Variants in NCKAP5 observed in about 807,000 individuals in gnomAD.
NCKAP5 encodes the protein nck-associated protein 5.
Under a neutral mutation model 167.0 loss-of-function variants are expected in NCKAP5, and 92 were observed. The observed-to-expected ratio is 0.55, with a 90% CI of 0.47 to 0.66. NCKAP5 has a LOEUF of 0.66. Among genes scored for constraint, NCKAP5 ranks in the 30% least tolerant of loss-of-function variants. The pLI is 0.00. For missense variants in NCKAP5, 2,378 were observed against 2,315.0 expected, an observed-to-expected ratio of 1.03 and a Z score of -0.56; for synonymous variants, 891 against 877.4, an observed-to-expected ratio of 1.02 and a Z score of -0.27.
At chr2:132,886,074 CT>C (rs1299014385) in intron 8 of NCKAP5, among the ~76,000 whole-genome samples, 1 of 152,178 alleles carries the variant, frequency 6.6e-6, no homozygotes, top group African/African-American at 2.4e-5. Flanking sequence ...ATGGAACAAG[CT>C]TTACTCTCCC....
At chr2:132,884,478 C>T (rs569502455) in intron 8 of NCKAP5, among the ~76,000 whole-genome samples, 1 of 152,312 alleles carries the variant, frequency 6.6e-6, no homozygotes, top group African/African-American at 2.4e-5. Flanking sequence ...TCTTATTAGG[C>T]AATGCCATCT....
intron 6 of NCKAP5, among the ~76,000 whole-genome samples, chr2:133,056,234 G>C (rs2079795591): frequency 6.6e-6 from 1 of 152,046 alleles, no homozygotes; most frequent in Non-Finnish European, 1.5e-5. Context: ...GATTCTGCCT[G>C]AAAACTTTCC....
chr2:133,331,077 T>G (rs1408496429), intron 3 of NCKAP5, among the ~76,000 whole-genome samples: 1 of 152,054 alleles, frequency 6.6e-6, no homozygotes, highest in Admixed American at 6.6e-5. Flanking sequence ...TGTATGTGAG[T>G]GTATGTGTAG....
intron 2 of NCKAP5, among the ~76,000 whole-genome samples, chr2:133,538,537 C>T (rs1361148962): frequency 1.3e-5 from 2 of 151,738 alleles, no homozygotes; most frequent in African/African-American, 2.4e-5. Flanking sequence ...AACAAATAAA[C>T]ATTTCTGTGA....
At chr2:132,733,110 C>T (rs143683492) in intron 16 of NCKAP5, among the ~76,000 whole-genome samples, 84 of 152,216 alleles carry the variant, frequency 5.5e-4, no homozygotes, top group African/African-American at 1.8e-3. Context: ...ATTTTATATA[C>T]GGAGAAAAGT....
intron 8 of NCKAP5, among the ~76,000 whole-genome samples, chr2:132,885,073 T>C (rs1302178495): frequency 6.6e-6 from 1 of 152,054 alleles, no homozygotes; most frequent in East Asian, 1.9e-4. Flanking sequence ...ACATATCCCA[T>C]GGGACAAAAA....
At chr2:132,975,277 AT>A (rs1370948660) in intron 7 of NCKAP5, among the ~76,000 whole-genome samples, 1 of 152,190 alleles carries the variant, frequency 6.6e-6, no homozygotes, top group Non-Finnish European at 1.5e-5. Flanking sequence ...AATCCCCAAG[AT>A]TAAATGTGTA....
intron 19 of NCKAP5, among the ~76,000 whole-genome samples, chr2:132,703,689 G>GTCAT (rs748303514): frequency 1.2e-4 from 19 of 152,168 alleles, no homozygotes; most frequent in African/African-American, 2.9e-4. Flanking sequence ...TACTGACTGG[G>GTCAT]TCATTCATTC....
chr2:132,811,018 A>G (rs1685821858), intron 11 of NCKAP5, among the ~76,000 whole-genome samples: 1 of 152,056 alleles, frequency 6.6e-6, no homozygotes, highest in African/African-American at 2.4e-5. Flanking sequence ...CCTGTAAGCC[A>G]AAAGTGATTG....
intron 4 of NCKAP5, among the ~76,000 whole-genome samples, chr2:133,237,612 G>C (rs2087483910): frequency 6.6e-6 from 1 of 152,154 alleles, no homozygotes; most frequent in Non-Finnish European, 1.5e-5. Flanking sequence ...CAGTCTAGTA[G>C]GTGAGACACA....
At chr2:133,449,317 T>G (rs188182249) in intron 3 of NCKAP5, among the ~76,000 whole-genome samples, 19 of 152,368 alleles carry the variant, frequency 1.2e-4, no homozygotes, top group African/African-American at 4.3e-4. Context: ...TAGTCCTTTT[T>G]CCTTCACTTT....
chr2:133,161,271 C>T lies in NCKAP5; in HGVS notation c.208-31160G>A, dbSNP rs1018098685. 6.6e-5 allele frequency among the ~76,000 whole-genome samples: 10 copies of T among 152,112 alleles called. 1 individual carries two copies. Among genetic ancestry groups the T allele is most frequent in the African/African-American group, 1.9e-4 (8 of 41,480 alleles). On this transcript the variant is annotated intron_variant, in intron 5 of 19. Transcript: ENST00000409261. ...CCCCGGTGCCAAAAAGTTTGGAGAC[C>T]GTTCCTCTATGAGACTGGAGCCAAG...
rs1450108176 is a variant in NCKAP5 at position 132,995,339 on chromosome 2, T to G, written c.342-1100A>C. Among the ~76,000 whole-genome samples, 4 of 152,216 alleles carry G rather than the reference T, an allele frequency of 2.6e-5. No individual in the cohort carries two copies. In the East Asian group the frequency reaches 7.7e-4, roughly 29 times the overall value. ...TTCTGTATGTCCTTAGTATATAAGTTTTTAAAAATTGTTTTAAAAAACATT... is the reference window on the plus strand; with the variant it reads ...TTCTGTATGTCCTTAGTATATAAGTGTTTAAAAATTGTTTTAAAAAACATT... On this transcript the variant is annotated intron_variant, in intron 6 of 19. Coordinates refer to ENST00000409261, the MANE Select transcript of NCKAP5 (RefSeq NM_207363.3).
intron 16 of NCKAP5, among the ~76,000 whole-genome samples, chr2:132,755,255 G>C (rs1680437455): frequency 6.6e-6 from 1 of 152,196 alleles, no homozygotes; most frequent in African/African-American, 2.4e-5. Flanking sequence ...TGTGCCTGGT[G>C]GTTGTGGTTT....
chr2:133,316,600 A>T (rs1455545643), intron 3 of NCKAP5, among the ~76,000 whole-genome samples: 1 of 152,242 alleles, frequency 6.6e-6, no homozygotes, highest in Admixed American at 6.5e-5. Flanking sequence ...GTGGATGTGC[A>T]GATTTCAGTG....
At chr2:132,989,985 C>T (rs111798347) in intron 7 of NCKAP5, among the ~76,000 whole-genome samples, 368 of 152,102 alleles carry the variant, frequency 2.4e-3, no homozygotes, top group Middle Eastern at 6.8e-3. Context: ...GCATTGAGTT[C>T]CATGTTCCAT....
chr2:133,466,947 A>C (rs1238691501), intron 3 of NCKAP5, among the ~76,000 whole-genome samples: 1 of 152,196 alleles, frequency 6.6e-6, no homozygotes, highest in African/African-American at 2.4e-5. Flanking sequence ...CAATCATGTC[A>C]TCTGCAAACA....
intron 3 of NCKAP5, among the ~76,000 whole-genome samples, chr2:133,477,452 T>C (rs1050447535): frequency 1.3e-5 from 2 of 152,182 alleles, no homozygotes; most frequent in African/African-American, 4.8e-5. Flanking sequence ...CTTACATATC[T>C]TCCACTTAGT....
intron 3 of NCKAP5, among the ~76,000 whole-genome samples, chr2:133,478,020 G>T (rs1334252404): frequency 6.6e-6 from 1 of 152,184 alleles, no homozygotes; most frequent in African/African-American, 2.4e-5. Flanking sequence ...AGATTTATAT[G>T]ACATTCATCC....
Sources: allele counts gnomAD v4.1 joint callset (sites outside exome capture counted in the v4.1 genomes callset), GRCh38; gene constraint gnomAD v4.1.1; transcripts MANE v1.5; gene names NCBI Gene and HGNC (gene_info 2026-07-23, HGNC 2026-07-21).